Variants in NAV3 observed in about 807,000 individuals in gnomAD.
NAV3 encodes the protein pore membrane and/or filament interacting like protein 1.
NAV3 carries 87 observed loss-of-function variants against 244.7 expected under a neutral mutation model. The ratio of observed to expected loss-of-function variants is 0.36; its 90% CI spans 0.30 to 0.42. The LOEUF (loss-of-function observed/expected upper bound fraction) is 0.42. Ranked by LOEUF, NAV3 falls within the 20% of genes least tolerant of loss-of-function variation. The pLI is 1.00. For synonymous variants in NAV3, 1,126 were observed against 1,042.2 expected, an observed-to-expected ratio of 1.08 and a Z score of -1.55; for missense variants, 2,663 against 2,893.3, an observed-to-expected ratio of 0.92 and a Z score of 1.83.
chr12:77,995,922 C>G (rs1047388216), intron 6 of NAV3, among the ~76,000 whole-genome samples: 7 of 152,052 alleles, frequency 4.6e-5, no homozygotes, highest in African/African-American at 1.7e-4. Context: ...CCCTCTCTCT[C>G]TCTCCTCTCT....
At chr12:78,094,719 AAC>A (rs1159680265) in intron 12 of NAV3, among the ~76,000 whole-genome samples, 1 of 152,138 alleles carries the variant, frequency 6.6e-6, no homozygotes, top group African/African-American at 2.4e-5. Context: ...AATAATATCT[AAC>A]ATTAGTTCCT....
intron 2 of NAV3, among the ~76,000 whole-genome samples, chr12:77,789,816 GAAAAAA>G (rs57070028): frequency 0.032 from 2,437 of 75,734 alleles, 30 homozygotes; most frequent in African/African-American, 0.1. Context: ...GTCTCGAAAA[GAAAAAA>G]AAAAAAAAAA....
rs564656038 is a variant in NAV3, at chr12:77,584,091, G to A, written c.72+11825G>A. ...TGCTTTCCCACCACTCCATCATTAT[G>A]TTCTATAATAGCACACTGTTGTCTG... On this transcript the variant is annotated intron_variant, in intron 2 of 8. Coordinates refer to the NAV3 transcript ENST00000550042. Among the ~76,000 whole-genome samples, 6 of 152,240 alleles carry A rather than the reference G, an allele frequency of 3.9e-5. No homozygotes were observed. The South Asian group carries it at 1.2e-3, about 32-fold the overall frequency.
chr12:77,743,804 A>T (rs1868397241), intron 2 of NAV3, among the ~76,000 whole-genome samples: 1 of 151,776 alleles, frequency 6.6e-6, no homozygotes, highest in South Asian at 2.1e-4. Flanking sequence ...AAGTTAAAAT[A>T]ATGACCATAT....
chr12:78,002,009 A>G (rs17044699), intron 7 of NAV3, among the ~76,000 whole-genome samples: 37,596 of 152,114 alleles, frequency 0.25, 4,941 homozygotes, highest in South Asian at 0.33. Context: ...GAAGTAAACC[A>G]AATACCTGTT....
intron 1 of NAV3, among the ~76,000 whole-genome samples, chr12:77,893,511 A>G (rs966487859): frequency 3.3e-5 from 5 of 152,104 alleles, no homozygotes; most frequent in African/African-American, 1.2e-4. Flanking sequence ...ATGTCTGTAT[A>G]TTGATACATG....
chr12:78,126,728 A>G (rs1019977971), intron 16 of NAV3, among the ~76,000 whole-genome samples: 13 of 152,184 alleles, frequency 8.5e-5, no homozygotes, highest in African/African-American at 2.9e-4. Flanking sequence ...ATTTGAAGAC[A>G]AAAGATAAGT....
At chr12:77,870,087 C>A (rs1880706812) in intron 1 of NAV3, among the ~76,000 whole-genome samples, 1 of 152,062 alleles carries the variant, frequency 6.6e-6, no homozygotes, top group Admixed American at 6.5e-5. Flanking sequence ...TTCTAATAAG[C>A]CGGGCGCGGT....
intron 28 of NAV3, among the ~76,000 whole-genome samples, chr12:78,178,311 C>G (rs1210833322): frequency 6.6e-6 from 1 of 151,798 alleles, no homozygotes; most frequent in Non-Finnish European, 1.5e-5. Flanking sequence ...AGGCGTGCAC[C>G]ACCACACCTG....
At chr12:77,760,064 A>T (rs11106580) in intron 2 of NAV3, among the ~76,000 whole-genome samples, 6,131 of 152,252 alleles carry the variant, frequency 0.04, 396 homozygotes, top group African/African-American at 0.14. Context: ...GAGACTTTTG[A>T]ACATTGTGAG....
At chr12:77,630,939 G>C (rs771613265) in intron 2 of NAV3, among the ~76,000 whole-genome samples, 3 of 152,126 alleles carry the variant, frequency 2.0e-5, no homozygotes, top group Non-Finnish European at 4.4e-5. Context: ...AATTAGTAGT[G>C]TTCATTTCCT....
intron 2 of NAV3, among the ~76,000 whole-genome samples, chr12:77,685,484 C>CACACACACACAA (rs71088327): frequency 1.0e-3 from 9 of 8,800 alleles, no homozygotes; most frequent in East Asian, 0.083. Context: ...CACACACACA[C>CACACACACACAA]ACACACACAC....
At chr12:77,743,792 A>G (rs1276330762) in intron 2 of NAV3, among the ~76,000 whole-genome samples, 1 of 151,822 alleles carries the variant, frequency 6.6e-6, no homozygotes, top group Non-Finnish European at 1.5e-5. Context: ...AGGATGCAAT[A>G]AAAGTTAAAA....
chr12:77,783,261 A>G (rs902341915), intron 2 of NAV3: 1 of 152,158 alleles, frequency 6.6e-6, no homozygotes, highest in Admixed American at 6.6e-5. Context: ...TGACCTTTCC[A>G]GATCCAGCAA....
intron 1 of NAV3, among the ~76,000 whole-genome samples, chr12:77,919,206 G>T (rs1287066587): frequency 2.0e-5 from 3 of 152,042 alleles, no homozygotes; most frequent in Non-Finnish European, 2.9e-5. Flanking sequence ...TGCTTTGAGA[G>T]CAGGCACTTA....
At chr12:77,770,441 T>G (rs1870020890) in intron 2 of NAV3, among the ~76,000 whole-genome samples, 2 of 152,194 alleles carry the variant, frequency 1.3e-5, no homozygotes, top group Admixed American at 6.5e-5. Context: ...GTAAAAAATC[T>G]GGCCTTCCAA....
At chr12:77,646,457 C>T (rs1340664283) in intron 2 of NAV3, among the ~76,000 whole-genome samples, 1 of 151,780 alleles carries the variant, frequency 6.6e-6, no homozygotes, top group African/African-American at 2.4e-5. Flanking sequence ...GTGAAGAAGG[C>T]GTTCTTCTCT....
intron 1 of NAV3, 197 bp from the exon 2 acceptor site, chr12:77,940,122 C>A: frequency 2.0e-6 from 1 of 512,590 alleles, no homozygotes; most frequent in East Asian, 3.2e-5. Context: ...GTGAATCATC[C>A]CCTTTGAAAT....
At chr12:77,584,874 G>A (rs947563146) in intron 2 of NAV3, among the ~76,000 whole-genome samples, 1 of 152,080 alleles carries the variant, frequency 6.6e-6, no homozygotes, top group African/African-American at 2.4e-5. Context: ...AGGGTAAAAG[G>A]ATTGTCAAAT....
Sources: gnomAD v4.1 joint callset for allele counts (sites outside exome capture counted in the v4.1 genomes callset) on GRCh38, gnomAD v4.1.1 for gene constraint, MANE v1.5 for transcripts, NCBI Gene and HGNC (gene_info 2026-07-23, HGNC 2026-07-21) for gene names.